MAP9: variants seen among roughly 807,000 people sequenced by gnomAD.
The protein encoded by MAP9 is microtubule associated protein 9, also known as microtubule-associated protein 9.
A neutral mutation model predicts 75.2 loss-of-function variants in MAP9; 80 were observed. The ratio of observed to expected loss-of-function variants is 1.06; its 90% CI spans 0.89 to 1.28. MAP9 has a LOEUF of 1.28. MAP9 is among the 50% of genes most tolerant of loss of function. The probability of loss-of-function intolerance (pLI) is 0.00; values close to 1 mark genes in which losing one functional copy is unlikely to be tolerated. For synonymous variants in MAP9, 235 were observed against 237.3 expected, an observed-to-expected ratio of 0.99 and a Z score of 0.09; for missense variants, 753 against 719.9, an observed-to-expected ratio of 1.05 and a Z score of -0.53.
At chr4:155,364,619 T>G (rs1435716136) in intron 5 of MAP9, among the ~76,000 whole-genome samples, 1 of 149,542 alleles carries the variant, frequency 6.7e-6, no homozygotes, top group Non-Finnish European at 1.5e-5. Flanking sequence ...TCTAGCCTTC[T>G]TTAATTTTTT....
At chr4:155,355,676 T>A in intron 9 of MAP9, 40 bp downstream of exon 9, 1 of 1,488,594 alleles carries the variant, frequency 6.7e-7, no homozygotes, top group Non-Finnish European at 9.2e-7. Context: ...CTTATGAAAG[T>A]GATCATTCTT....
chr4:155,350,458 C>T (rs28440968), intron 13 of MAP9, among the ~76,000 whole-genome samples: 9,519 of 152,002 alleles, frequency 0.063, 674 homozygotes, highest in African/African-American at 0.17. Context: ...CTAAATGTGA[C>T]TTATTAAAGA....
At position 155,373,143 on chromosome 4, in the gene MAP9, T is replaced by G; in HGVS notation, c.474A>C (p.Thr158=). 6.5e-7 allele frequency: 1 copy of G among 1,544,658 alleles called. No individual in the cohort carries two copies. Among genetic ancestry groups the G allele is most frequent in the Non-Finnish European group, 8.7e-7 (1 of 1,145,460 alleles). The change falls in exon 4 of 14, where the codon ACA becomes ACC. Residue 158 remains threonine (T), a synonymous_variant. Transcript: ENST00000311277. ...PKPRILSIKS[T]SSAENNSLDT... ...GTAATCCTAACAAATTACCTGAAGA[T>G]GTGCTTTTAATTGAAAGAATTCTGG...
intron 5 of MAP9, chr4:155,363,456 T>G (rs540980431): frequency 2.6e-5 from 4 of 152,164 alleles, no homozygotes; most frequent in Admixed American, 2.0e-4. Context: ...AACCCAGAGA[T>G]GACTCACGTT....
chr4:155,370,028 C>T (rs1732523878), intron 4 of MAP9, among the ~76,000 whole-genome samples: 1 of 152,096 alleles, frequency 6.6e-6, no homozygotes, highest in Admixed American at 6.5e-5. Context: ...TGGATTCTGC[C>T]AGAAGATTCC....
chr4:155,352,592 C>A lies in MAP9; in HGVS notation c.1821+4G>T, dbSNP rs528545270. 4 of 1,562,794 alleles carry A rather than the reference C, an allele frequency of 2.6e-6. No individual in the cohort carries two copies. Among genetic ancestry groups the A allele is most frequent in the East Asian group, 2.3e-5 (1 of 42,860 alleles). On this transcript the variant is annotated splice_donor_region_variant and intron_variant, in intron 13 of 13. Coordinates refer to ENST00000311277, the MANE Select transcript of MAP9 (RefSeq NM_001039580.2). ...ACGAAAGTGCATTGACAAATAATAC[C>A]TACCAGCCATTTTTCATATTCATTA...
At chr4:155,363,778 C>T (rs779908711) in intron 5 of MAP9, among the ~76,000 whole-genome samples, 21 of 151,778 alleles carry the variant, frequency 1.4e-4, no homozygotes, top group Non-Finnish European at 1.8e-4. Context: ...AATCTGTAAA[C>T]GTGAAGACTA....
At chr4:155,356,015 C>G in intron 8 of MAP9, 131 bp from the exon 9 acceptor site, 1 of 784,638 alleles carries the variant, frequency 1.3e-6, no homozygotes, top group South Asian at 2.0e-5. Context: ...AATCCCAGCA[C>G]TTTGGAAGGC....
intron 10 of MAP9, among the ~76,000 whole-genome samples, chr4:155,354,549 C>T (rs1397605677): frequency 6.2e-5 from 9 of 145,890 alleles, no homozygotes; most frequent in South Asian, 4.4e-4. Flanking sequence ...CTGCAACCTC[C>T]GCCTCCCGGG....
intron 4 of MAP9, among the ~76,000 whole-genome samples, chr4:155,371,706 C>T (rs1404469323): frequency 6.6e-6 from 1 of 151,194 alleles, no homozygotes; most frequent in Non-Finnish European, 1.5e-5. Flanking sequence ...TTCATTGTAA[C>T]CCACCACAGG....
At chr4:155,360,517 C>CT (rs1732025240) in intron 6 of MAP9, 102 bp from the exon 7 acceptor site, 1 of 1,032,022 alleles carries the variant, frequency 9.7e-7, no homozygotes, top group Admixed American at 2.9e-5. Flanking sequence ...TCTATAAACT[C>CT]TTTTTTCTTG....
chr4:155,365,961 CAAA>C (rs1279680558), intron 5 of MAP9, among the ~76,000 whole-genome samples: 10 of 151,830 alleles, frequency 6.6e-5, no homozygotes, highest in African/African-American at 2.2e-4. Flanking sequence ...TAAAGCAGTA[CAAA>C]GAAGAAAGTT....
intron 10 of MAP9, 48 bp downstream of exon 10, chr4:155,355,023 T>C: frequency 1.2e-6 from 1 of 821,738 alleles, no homozygotes; most frequent in Admixed American, 3.1e-5. Context: ...AGGGATATTT[T>C]ACTGAAATAA....
chr4:155,344,165 A>G lies in MAP9; in HGVS notation c.*3618T>C, dbSNP rs1731203797. Reference sequence around the variant, plus strand: ...GACACAGGATTTAAGAAACTTCATTATTTCCCCTCACTTTAAAGTGTAGGT... The same window carrying G: ...GACACAGGATTTAAGAAACTTCATTGTTTCCCCTCACTTTAAAGTGTAGGT... On this transcript the variant is annotated 3_prime_UTR_variant, in exon 14 of 14. Coordinates refer to ENST00000311277, the MANE Select transcript of MAP9 (RefSeq NM_001039580.2). 1 of 151,910 alleles carries G rather than the reference A, an allele frequency of 6.6e-6. No homozygotes were observed. Among genetic ancestry groups the G allele is most frequent in the African/African-American group, 2.4e-5 (1 of 41,422 alleles). The allele number at this position is 151,910 out of a possible 1,614,324, so 9.4% of individuals were successfully genotyped here.
chr4:155,371,719 T>G (rs547769773), intron 4 of MAP9, among the ~76,000 whole-genome samples: 7 of 151,654 alleles, frequency 4.6e-5, no homozygotes, highest in East Asian at 1.9e-4. Context: ...ACCACAGGTT[T>G]TTTTTTTTTT....
rs767325198 is a variant in MAP9, at chr4:155,347,894, T to G, written c.1833A>C (p.Glu611Asp). The G allele has an allele frequency of 6.6e-7, 1 of 1,511,778 alleles. No homozygotes were observed. The highest frequency in any genetic ancestry group is 9.1e-7 in the Non-Finnish European group (1 of 1,102,054). The allele number at this position is 1,511,778 out of a possible 1,614,324, so 93.6% of individuals were successfully genotyped here. The stretch of plus-strand genomic sequence containing the variant: ...GTTTTCGTTCAATTCTTTCTTGTTT[T>G]TCCTTATTTTCCTAAAGAGAAAATA... ...NEYEKWLENKEKQERIERKQK... is the reference protein window; with the variant it reads ...NEYEKWLENKDKQERIERKQK... The change falls in exon 14 of 14, where the codon GAA becomes GAC. Residue 611 changes from glutamate (E) to aspartate (D), a missense_variant. Transcript: ENST00000311277.
In MAP9 at chr4:155,347,748, C is replaced by T. The variant is rs201434920; in HGVS notation, c.*35G>A. On this transcript the variant is annotated 3_prime_UTR_variant, in exon 14 of 14. Coordinates refer to ENST00000311277, the MANE Select transcript of MAP9 (RefSeq NM_001039580.2). ...AAATCTATGGCTAATATTGGCAAAC[C>T]GATAAATAACCAAATAATGTAAGAA... 589 of 1,554,958 alleles carry T rather than the reference C, an allele frequency of 3.8e-4. 8 individuals carry two copies. In the South Asian group the frequency reaches 5.8e-3, roughly 15 times the overall value.
intron 4 of MAP9, among the ~76,000 whole-genome samples, chr4:155,370,911 G>A (rs1229541358): frequency 2.6e-5 from 4 of 152,052 alleles, no homozygotes; most frequent in Non-Finnish European, 5.9e-5. Context: ...TCATTTAATT[G>A]CCTCAAACTC....
intron 8 of MAP9, chr4:155,357,052 CT>C: frequency 1.0e-5 from 2 of 191,374 alleles, no homozygotes; most frequent in Non-Finnish European, 2.1e-5. Context: ...CATTGCTAGA[CT>C]TCAGCTTTAT....
Sources: allele counts gnomAD v4.1 joint callset (sites outside exome capture counted in the v4.1 genomes callset), GRCh38; gene constraint gnomAD v4.1.1; transcripts MANE v1.5; gene names NCBI Gene and HGNC (gene_info 2026-07-23, HGNC 2026-07-21).